SELENOI: variants seen among roughly 807,000 people sequenced by gnomAD.
The protein encoded by SELENOI is selenoprotein I.
A neutral mutation model predicts 50.7 loss-of-function variants in SELENOI; 24 were observed. That is an observed-to-expected ratio of 0.47 (90% confidence interval 0.34 to 0.67). SELENOI has a LOEUF of 0.67. Ranked by LOEUF, SELENOI falls within the 30% of genes least tolerant of loss-of-function variation. The probability of loss-of-function intolerance (pLI) is 0.01; values close to 1 mark genes in which losing one functional copy is unlikely to be tolerated. For missense variants in SELENOI, 352 were observed against 461.4 expected (o/e 0.76, Z 2.17); for synonymous variants, 155 against 170.2 (o/e 0.91, Z 0.70).
chr2:26,379,369 C>T (rs1040567117), intron 6 of SELENOI, among the ~76,000 whole-genome samples: 1 of 152,128 alleles, frequency 6.6e-6, no homozygotes. Context: ...CAATAGAATT[C>T]TTAGATTCTG....
chr2:26,358,253 T>A (rs575086669), intron 1 of SELENOI, among the ~76,000 whole-genome samples: 1 of 152,094 alleles, frequency 6.6e-6, no homozygotes, highest in East Asian at 1.9e-4. Context: ...AAATACAAAA[T>A]TTAGCCAGGC....
rs903293529 is a variant in SELENOI at position 26,393,701 on chromosome 2, A to G, written c.*4598A>G. ...TTAGAAAGCCAGGCTAAATCAGAGT[A>G]GTGCTGTTTTTAAAGCAAGTATATT... is the stretch of plus-strand genomic sequence containing the variant. On this transcript the variant is annotated 3_prime_UTR_variant, in exon 10 of 10. Transcript: ENST00000260585. 2.6e-5 allele frequency: 4 copies of G among 152,230 alleles called. No homozygotes were observed. The highest frequency in any genetic ancestry group is 9.6e-5 in the African/African-American group (4 of 41,454). 9.4% of individuals were successfully genotyped at this position (152,230 alleles called of 1,614,324 possible).
intron 5 of SELENOI, among the ~76,000 whole-genome samples, chr2:26,373,857 T>TGCTGAG (rs1558418546): frequency 3.9e-5 from 6 of 152,202 alleles, no homozygotes; most frequent in Non-Finnish European, 7.3e-5. Context: ...ATGTACCCAT[T>TGCTGAG]GCTGAGGCTG....
intron 6 of SELENOI, among the ~76,000 whole-genome samples, chr2:26,379,911 A>G (rs188682449): frequency 1.7e-3 from 253 of 152,338 alleles, no homozygotes; most frequent in Non-Finnish European, 1.9e-3. Context: ...ACTATTCACA[A>G]CAGTCTCCGA....
rs1677913037 is a variant in SELENOI, at chr2:26,389,321, G to A, written c.*218G>A. On this transcript the variant is annotated 3_prime_UTR_variant, in exon 10 of 10. Coordinates refer to ENST00000260585, the MANE Select transcript of SELENOI (RefSeq NM_033505.4). ...TAAAACTATGTGACATTTTGGTTGA[G>A]CAGAATGTACGTTAGACCAGCAAAA... is the stretch of plus-strand genomic sequence containing the variant. 2.1e-6 allele frequency: 1 copy of A among 468,608 alleles called. No individual in the cohort carries two copies. The highest frequency in any genetic ancestry group is 3.8e-6 in the Non-Finnish European group (1 of 260,428). The allele number at this position is 468,608 out of a possible 1,614,324, so 29.0% of individuals were successfully genotyped here.
intron 4 of SELENOI, among the ~76,000 whole-genome samples, chr2:26,368,393 T>G (rs560531138): frequency 1.2e-4 from 19 of 152,342 alleles, no homozygotes; most frequent in African/African-American, 4.3e-4. Context: ...CTCTGACTTT[T>G]GACAACACGC....
At chr2:26,356,297 A>G (rs759702331) in intron 1 of SELENOI, among the ~76,000 whole-genome samples, 1 of 152,118 alleles carries the variant, frequency 6.6e-6, no homozygotes, top group Non-Finnish European at 1.5e-5. Flanking sequence ...AGCTGGGACT[A>G]CAGGCGTGTA....
chr2:26,367,823 C>A (rs1677317638), intron 4 of SELENOI, among the ~76,000 whole-genome samples: 1 of 152,166 alleles, frequency 6.6e-6, no homozygotes, highest in Non-Finnish European at 1.5e-5. Context: ...TCTGTCCTGC[C>A]AAGAATGCTT....
chr2:26,370,984 C>A, intron 4 of SELENOI, among the ~76,000 whole-genome samples: 1 of 141,260 alleles, frequency 7.1e-6, no homozygotes, highest in African/African-American at 2.6e-5. Flanking sequence ...GGGGCTGACC[C>A]CCCCACCTCC....
rs555711203 is a variant in SELENOI at position 26,389,976 on chromosome 2, C to T, written c.*873C>T. 6.6e-6 allele frequency: 1 copy of T among 151,360 alleles called. No homozygotes were observed. Among genetic ancestry groups the T allele is most frequent in the South Asian group, 2.1e-4 (1 of 4,704 alleles). The allele number at this position is 151,360 out of a possible 1,614,324, so 9.4% of individuals were successfully genotyped here. On this transcript the variant is annotated 3_prime_UTR_variant, in exon 10 of 10. Transcript: ENST00000260585. ...AAATTGGAGTTAGGAATTTCATGAA[C>T]CTCACTATGACCAAAATTAATTTTT...
chr2:26,388,181 T>A lies in SELENOI; in HGVS notation c.1096-824T>A, dbSNP rs188389430. Among the ~76,000 whole-genome samples the A allele has an allele frequency of 5.3e-5, 8 of 152,366 alleles. No individual in the cohort carries two copies. In the East Asian group the frequency reaches 1.5e-3, roughly 29 times the overall value. On this transcript the variant is annotated intron_variant, in intron 9 of 9. Coordinates refer to ENST00000260585, the MANE Select transcript of SELENOI (RefSeq NM_033505.4). ...CAATACTCTTCGGCCTTTATCCTGATATTTCATCAATATATGCATGGCATA... is the reference window on the plus strand; with the variant it reads ...CAATACTCTTCGGCCTTTATCCTGAAATTTCATCAATATATGCATGGCATA...
At chr2:26,376,450 G>T (rs1677569672) in intron 6 of SELENOI, among the ~76,000 whole-genome samples, 1 of 152,094 alleles carries the variant, frequency 6.6e-6, no homozygotes, top group South Asian at 2.1e-4. Flanking sequence ...GAATCCTCTG[G>T]TATATGAGAC....
chr2:26,382,063 A>G (rs1677717756), intron 6 of SELENOI, among the ~76,000 whole-genome samples: 1 of 152,220 alleles, frequency 6.6e-6, no homozygotes, highest in South Asian at 2.1e-4. Flanking sequence ...ACTATAGATC[A>G]TAGGATCAAA....
intron 7 of SELENOI, among the ~76,000 whole-genome samples, chr2:26,383,862 A>C (rs1482986730): frequency 4.6e-5 from 7 of 152,272 alleles, no homozygotes; most frequent in African/African-American, 1.7e-4. Flanking sequence ...CAACAGAGCG[A>C]GACTCTGTCT....
chr2:26,370,910 C>T lies in SELENOI; in HGVS notation c.311-2457C>T, dbSNP rs1430964589. ...ACCCCCACCTCCCTCCCGGACGGGG[C>T]GGCTGGCCGGGCGGGGGGCTGACCC... On this transcript the variant is annotated intron_variant, in intron 4 of 9. Coordinates refer to ENST00000260585, the MANE Select transcript of SELENOI (RefSeq NM_033505.4). Among the ~76,000 whole-genome samples, 14 of 91,878 alleles carry T rather than the reference C, an allele frequency of 1.5e-4. No homozygotes were observed. The South Asian group carries it at 3.4e-3, about 22-fold the overall frequency. The allele number at this position is 91,878 out of a possible 152,430, so 60.3% of individuals were successfully genotyped here.
Position 26,346,236 on chromosome 2 carries a change from G to A in SELENOI, c.4G>A (p.Ala2Thr). ...GGCGCTCAGTTTTCGGGTCGTCATG[G>A]CTGGCTACGAATACGTGAGCCCGGA... Reference protein sequence around the residue: MAGYEYVSPEQL... With the variant: MTGYEYVSPEQL... The change falls in exon 1 of 10, where the codon GCT (alanine) becomes ACT (threonine). Residue 2 changes from alanine to threonine, a missense_variant. By Grantham distance (58) the Ala-to-Thr change is moderately conservative. Coordinates refer to ENST00000260585, the MANE Select transcript of SELENOI (RefSeq NM_033505.4). 4 of 1,613,652 alleles carry A rather than the reference G, an allele frequency of 2.5e-6. No individual in the cohort carries two copies. Among genetic ancestry groups the A allele is most frequent in the Non-Finnish European group, 3.4e-6 (4 of 1,179,646 alleles).
intron 1 of SELENOI, among the ~76,000 whole-genome samples, chr2:26,356,703 A>G (rs1281251983): frequency 6.6e-6 from 1 of 152,068 alleles, no homozygotes; most frequent in African/African-American, 2.4e-5. Context: ...CTTCAAGTCC[A>G]TTTTCTACAT....
chr2:26,386,274 T>C lies in SELENOI; in HGVS notation c.913-80T>C, dbSNP rs1572338383. 3.0e-6 allele frequency: 4 copies of C among 1,352,742 alleles called. No individual in the cohort carries two copies. The East Asian group carries it at 9.2e-5, about 31-fold the overall frequency. The allele number at this position is 1,352,742 out of a possible 1,614,324, so 83.8% of individuals were successfully genotyped here. On this transcript the variant is annotated intron_variant, in intron 8 of 9. Coordinates refer to ENST00000260585, the MANE Select transcript of SELENOI (RefSeq NM_033505.4). ...CAGGTACTTGAATGCTTTTCAAATG[T>C]TGGAAAGACTAGTTTTGGAAGTGCT...
At chr2:26,361,446 T>G (rs77476687) in intron 1 of SELENOI, among the ~76,000 whole-genome samples, 84,601 of 151,852 alleles carry the variant, frequency 0.56, 25,144 homozygotes, top group African/African-American at 0.72. Flanking sequence ...TGTTATTACA[T>G]TTATGTGAAT....
Sources: gnomAD v4.1 joint callset for allele counts (sites outside exome capture counted in the v4.1 genomes callset) on GRCh38, gnomAD v4.1.1 for gene constraint, MANE v1.5 for transcripts, NCBI Gene and HGNC (gene_info 2026-07-23, HGNC 2026-07-21) for gene names.